TSHZ2: variants seen among roughly 807,000 people sequenced by gnomAD.
TSHZ2 encodes the protein teashirt zinc finger homeobox 2, also known as teashirt homolog 2.
In TSHZ2, 21 loss-of-function variants were observed where a neutral mutation model predicts 74.4. The ratio of observed to expected loss-of-function variants is 0.28; its 90% CI spans 0.20 to 0.41. The LOEUF (loss-of-function observed/expected upper bound fraction) is 0.41, where lower values mean the gene tolerates loss of function less well. Among genes scored for constraint, TSHZ2 ranks in the 10% least tolerant of loss-of-function variants. The probability of loss-of-function intolerance (pLI) is 1.00; values close to 1 mark genes in which losing one functional copy is unlikely to be tolerated. For missense variants in TSHZ2, 1,244 were observed against 1,293.5 expected, an observed-to-expected ratio of 0.96 and a Z score of 0.59; for synonymous variants, 540 against 515.3, an observed-to-expected ratio of 1.05 and a Z score of -0.65.
intron 1 of TSHZ2, among the ~76,000 whole-genome samples, chr20:53,125,517 G>C (rs1255436062): frequency 6.6e-6 from 1 of 152,126 alleles, no homozygotes; most frequent in Admixed American, 6.6e-5. Context: ...TACTATTATT[G>C]AATAATCATG....
intron 2 of TSHZ2, chr20:53,453,107 G>A (rs901017351): frequency 1.5e-4 from 23 of 152,158 alleles, no homozygotes; most frequent in African/African-American, 5.1e-4. Context: ...GACTTTATTC[G>A]TCTGTATGGC....
At chr20:53,029,324 T>G (rs1269504470) in intron 1 of TSHZ2, among the ~76,000 whole-genome samples, 1 of 152,236 alleles carries the variant, frequency 6.6e-6, no homozygotes, top group Non-Finnish European at 1.5e-5. Flanking sequence ...TGAAATTATT[T>G]GTATTAGCCC....
intron 1 of TSHZ2, among the ~76,000 whole-genome samples, chr20:53,102,770 GT>G (rs1986254259): frequency 6.6e-6 from 1 of 152,132 alleles, no homozygotes. Context: ...TGGATTTTGA[GT>G]TGAGCAGCTC....
intron 1 of TSHZ2, among the ~76,000 whole-genome samples, chr20:53,251,992 C>T (rs1159574332): frequency 6.6e-6 from 1 of 152,168 alleles, no homozygotes; most frequent in Non-Finnish European, 1.5e-5. Flanking sequence ...GGTGAATTTC[C>T]TTACCTTAAA....
At chr20:53,238,250 G>C (rs1200574654) in intron 1 of TSHZ2, among the ~76,000 whole-genome samples, 1 of 152,084 alleles carries the variant, frequency 6.6e-6, no homozygotes, top group Admixed American at 6.6e-5. Flanking sequence ...TCGAACAGTG[G>C]GGTCTTTGAT....
At chr20:53,020,488 C>T (rs933150282) in intron 1 of TSHZ2, among the ~76,000 whole-genome samples, 3 of 152,196 alleles carry the variant, frequency 2.0e-5, no homozygotes, top group Admixed American at 1.3e-4. Context: ...AAACCACCTT[C>T]GTTTCTGCTG....
intron 2 of TSHZ2, among the ~76,000 whole-genome samples, chr20:53,483,478 T>C (rs1215555389): frequency 6.6e-6 from 1 of 152,148 alleles, no homozygotes; most frequent in Non-Finnish European, 1.5e-5. Context: ...ACCACTGCAC[T>C]CTAGCGTGGG....
Position 53,299,347 on chromosome 20 carries a change from T to G in TSHZ2, c.*8+42776T>G, listed in dbSNP as rs145981113. On this transcript the variant is annotated intron_variant, in intron 2 of 2. Coordinates refer to ENST00000371497, the MANE Select transcript of TSHZ2 (RefSeq NM_173485.6). The stretch of plus-strand genomic sequence containing the variant: ...TGCTCTTTTCCCCATTAAATTACAA[T>G]GACTCCTCAGCTCACCACTGCGTTT... 7.2e-5 allele frequency among the ~76,000 whole-genome samples: 11 copies of G among 152,356 alleles called. No individual in the cohort carries two copies. In the East Asian group the frequency reaches 1.9e-3, roughly 27 times the overall value.
chr20:53,192,474 C>A (rs6126778), intron 1 of TSHZ2, among the ~76,000 whole-genome samples: 6,654 of 151,524 alleles, frequency 0.044, 456 homozygotes, highest in East Asian at 0.34. Flanking sequence ...AAGGTGGTGA[C>A]TCCCTTGTGG....
At chr20:53,076,606 G>A (rs963781966) in intron 1 of TSHZ2, among the ~76,000 whole-genome samples, 7 of 152,196 alleles carry the variant, frequency 4.6e-5, no homozygotes, top group Non-Finnish European at 1.0e-4. Flanking sequence ...GATGAGTGAT[G>A]TCAAAGCTCA....
At chr20:53,368,994 G>T (rs1981372502) in intron 2 of TSHZ2, among the ~76,000 whole-genome samples, 1 of 152,200 alleles carries the variant, frequency 6.6e-6, no homozygotes, top group African/African-American at 2.4e-5. Flanking sequence ...TAGCATCGTG[G>T]CTCATGCCTG....
chr20:53,426,008 A>C (rs1286275745), intron 2 of TSHZ2, among the ~76,000 whole-genome samples: 1 of 152,188 alleles, frequency 6.6e-6, no homozygotes, highest in Non-Finnish European at 1.5e-5. Context: ...TTGGGAACTC[A>C]GTTCAGTTAC....
At chr20:53,117,066 C>A (rs1986689896) in intron 1 of TSHZ2, among the ~76,000 whole-genome samples, 1 of 152,096 alleles carries the variant, frequency 6.6e-6, no homozygotes, top group South Asian at 2.1e-4. Flanking sequence ...TGCTTCAGTG[C>A]ACGTTCTCTC....
At chr20:53,467,887 G>A (rs920526576) in intron 2 of TSHZ2, among the ~76,000 whole-genome samples, 9 of 152,068 alleles carry the variant, frequency 5.9e-5, no homozygotes, top group Admixed American at 1.3e-4. Context: ...TCCCTAATAC[G>A]TAGTGTCTGG....
chr20:53,230,334 G>T (rs1989793113), intron 1 of TSHZ2, among the ~76,000 whole-genome samples: 2 of 152,254 alleles, frequency 1.3e-5, no homozygotes, highest in South Asian at 4.2e-4. Flanking sequence ...TTATTTGAGG[G>T]ATACTGGCTT....
chr20:53,155,946 T>TTTTA (rs1414177757), intron 1 of TSHZ2, among the ~76,000 whole-genome samples: 22 of 152,136 alleles, frequency 1.4e-4, no homozygotes, highest in African/African-American at 5.3e-4. Context: ...TTTAATTAGG[T>TTTTA]ATTGGCTAAT....
chr20:53,074,941 T>A lies in TSHZ2; in HGVS notation c.40+101608T>A, dbSNP rs1367919160. Reference sequence around the variant, plus strand: ...TATTTGACCTTGCAGGTCAGTGTTTTTCCCACTCAACCACAGATGTTTTAT... The same window carrying A: ...TATTTGACCTTGCAGGTCAGTGTTTATCCCACTCAACCACAGATGTTTTAT... On this transcript the variant is annotated intron_variant, in intron 1 of 2. Coordinates refer to ENST00000371497, the MANE Select transcript of TSHZ2 (RefSeq NM_173485.6). The surrounding 1 kb of genome is among the most constrained non-coding windows in gnomAD (Gnocchi z 5.9). Among the ~76,000 whole-genome samples the A allele has an allele frequency of 6.6e-6, 1 of 152,228 alleles. No individual in the cohort carries two copies. Among genetic ancestry groups the A allele is most frequent in the African/African-American group, 2.4e-5 (1 of 41,468 alleles).
At chr20:53,475,716 A>T (rs1382891700) in intron 2 of TSHZ2, among the ~76,000 whole-genome samples, 1 of 140,208 alleles carries the variant, frequency 7.1e-6, no homozygotes, top group Non-Finnish European at 1.5e-5. Context: ...TAATGAATCC[A>T]GGAGCTGGTT....
chr20:53,146,677 G>C (rs1218126739), intron 1 of TSHZ2, among the ~76,000 whole-genome samples: 1 of 152,176 alleles, frequency 6.6e-6, no homozygotes, highest in Admixed American at 6.5e-5. Context: ...AGATGACACA[G>C]AAAAGTCCTA....
Sources: gnomAD v4.1 joint callset for allele counts (sites outside exome capture counted in the v4.1 genomes callset) on GRCh38, gnomAD v4.1.1 for gene constraint, Gnocchi (gnomAD v3.1) non-coding constraint, MANE v1.5 for transcripts, NCBI Gene and HGNC (gene_info 2026-07-23, HGNC 2026-07-21) for gene names.